CMBL: variants seen among roughly 807,000 people sequenced by gnomAD.
The protein encoded by CMBL is carboxymethylenebutenolidase homolog, also known as carboxymethylenebutenolidase homolog (Pseudomonas).
In CMBL, 17 loss-of-function variants were observed where a neutral mutation model predicts 28.7. That is an observed-to-expected ratio of 0.59 (90% CI 0.41 to 0.89). The LOEUF (loss-of-function observed/expected upper bound fraction) is 0.89, where lower values mean the gene tolerates loss of function less well. Ranked by LOEUF, CMBL falls within the 40% of genes least tolerant of loss-of-function variation. The pLI is 0.00. For missense variants in CMBL, 310 were observed against 298.5 expected (o/e 1.04, Z -0.28); for synonymous variants, 106 against 101.6 (o/e 1.04, Z -0.26).
chr5:10,288,401 C>T (rs763765553), intron 3 of CMBL, 21 bp downstream of exon 3: 1 of 1,574,128 alleles, frequency 6.4e-7, no homozygotes. Flanking sequence ...GTGCACATGG[C>T]CACGTCTGCG....
chr5:10,290,353 G>A, intron 2 of CMBL, 195 bp downstream of exon 2: 2 of 596,094 alleles, frequency 3.4e-6, no homozygotes, highest in South Asian at 4.0e-5. Context: ...CCAGGAATGG[G>A]GTTAGGAGCA....
chr5:10,294,038 C>A (rs1746770158), intron 1 of CMBL, among the ~76,000 whole-genome samples: 1 of 152,162 alleles, frequency 6.6e-6, no homozygotes, highest in Admixed American at 6.5e-5. Context: ...CTGCAGATAT[C>A]TGGAGGAAGA....
rs745485656 is a variant in CMBL, at chr5:10,286,386, T to C, written c.434A>G (p.Tyr145Cys). 1.4e-5 allele frequency: 22 copies of C among 1,613,908 alleles called. No individual in the cohort carries two copies. The African/African-American group carries it at 2.9e-4, about 22-fold the overall frequency. Residue 145 changes from tyrosine to cysteine, a missense_variant, in exon 4 of 6, where the codon TAC becomes TGC. By Grantham distance (194) the Tyr-to-Cys change is radical (BLOSUM62 -2). Transcript: ENST00000296658. ...GGACACCCCTGCCCTGAATTCTGAG[T>C]ATTTCATCATCAAATGATGGACAGC... ...GTAVHHLMMK[Y>C]SEFRAGVSVY...
intron 4 of CMBL, among the ~76,000 whole-genome samples, chr5:10,284,638 TAGCC>T (rs1332078464): frequency 6.6e-6 from 1 of 152,234 alleles, no homozygotes; most frequent in East Asian, 1.9e-4. Context: ...TGCCCAACTG[TAGCC>T]TGATGCAGGT....
At position 10,298,871 on chromosome 5, in the gene CMBL, C is replaced by T. The variant is rs191423501; in HGVS notation, c.-19-8090G>A. Among the ~76,000 whole-genome samples, 1,099 of 152,196 alleles carry T rather than the reference C, an allele frequency of 7.2e-3. 18 individuals carry two copies. Among genetic ancestry groups the T allele is most frequent in the African/African-American group, 0.024 (1,015 of 41,510 alleles). On this transcript the variant is annotated intron_variant, in intron 1 of 5. Coordinates refer to ENST00000296658, the MANE Select transcript of CMBL (RefSeq NM_138809.4). ...TCGCGCCACTGCACTCCAGCCTGGGCGACAGAGCAAGACTCCATCTCAAAA... is the reference window on the plus strand; with the variant it reads ...TCGCGCCACTGCACTCCAGCCTGGGTGACAGAGCAAGACTCCATCTCAAAA...
At chr5:10,282,518 C>G (rs1191524969) in intron 4 of CMBL, among the ~76,000 whole-genome samples, 1 of 152,144 alleles carries the variant, frequency 6.6e-6, no homozygotes, top group East Asian at 1.9e-4. Context: ...CGCGGTGGCT[C>G]ACGCCTGTAA....
chr5:10,291,418 T>C (rs1255224936), intron 1 of CMBL, among the ~76,000 whole-genome samples: 1 of 151,950 alleles, frequency 6.6e-6, no homozygotes, highest in African/African-American at 2.4e-5. Flanking sequence ...ATCCCAGCAC[T>C]TTGGGAGGCC....
At position 10,288,426 on chromosome 5, in the gene CMBL, C is replaced by G; in HGVS notation, c.319G>C (p.Asp107His). ...CCACGTCTGCGGATAACTCACCTAT[C>G]GATCTTCTGGGCATTTCTTGTTTTC... ...WLKTRNAQKI[D>H]REISAILKYL... is the part of the protein sequence containing the mutation. The change falls in exon 3 of 6, where the codon GAT (aspartate) becomes CAT (histidine). Residue 107 changes from aspartate (D) to histidine (H), a missense_variant. Physicochemically the swap from Asp to His is moderately conservative, Grantham distance 81. Coordinates refer to ENST00000296658, the MANE Select transcript of CMBL (RefSeq NM_138809.4). 6.2e-7 allele frequency: 1 copy of G among 1,612,514 alleles called. No individual in the cohort carries two copies. The highest frequency in any genetic ancestry group is 1.7e-4 in the Middle Eastern group (1 of 6,056).
chr5:10,280,327 GAAAT>G lies in CMBL; in HGVS notation c.*122_*125del. ...GTCCTACTGAATTTGTGTTTCAAAT[GAAAT>G]AATCAATTTTAGGATTCCTACACTT... is the stretch of plus-strand genomic sequence containing the variant. On this transcript the variant is annotated 3_prime_UTR_variant, in exon 6 of 6. Coordinates refer to ENST00000296658, the MANE Select transcript of CMBL (RefSeq NM_138809.4). 1.5e-6 allele frequency: 1 copy of G among 666,704 alleles called. No homozygotes were observed. Among genetic ancestry groups the G allele is most frequent in the Non-Finnish European group, 2.4e-6 (1 of 415,472 alleles). 41.3% of individuals were successfully genotyped at this position (666,704 alleles called of 1,614,324 possible). A position where few individuals can be genotyped will look rare whatever the true frequency, so the allele number is the denominator to read the frequency against.
At chr5:10,286,730 C>T (rs1185817977) in intron 3 of CMBL, among the ~76,000 whole-genome samples, 1 of 152,202 alleles carries the variant, frequency 6.6e-6, no homozygotes, top group African/African-American at 2.4e-5. Context: ...AAGCTGGGCT[C>T]TTCCCAAAAC....
Position 10,278,647 on chromosome 5 carries a change from G to A in CMBL, c.*1806C>T, listed in dbSNP as rs1039427011. Reference sequence around the variant, plus strand: ...CCCCTTTTTGCTGGCCCTGTGAAGCGTGCTGCCCTCTGTTCTCTGGATCTG... The same window carrying A: ...CCCCTTTTTGCTGGCCCTGTGAAGCATGCTGCCCTCTGTTCTCTGGATCTG... On this transcript the variant is annotated 3_prime_UTR_variant, in exon 6 of 6. Coordinates refer to ENST00000296658, the MANE Select transcript of CMBL (RefSeq NM_138809.4). Among the ~76,000 whole-genome samples the A allele has an allele frequency of 6.6e-6, 1 of 152,204 alleles. No homozygotes were observed. The highest frequency in any genetic ancestry group is 6.5e-5 in the Admixed American group (1 of 15,294).
intron 2 of CMBL, among the ~76,000 whole-genome samples, chr5:10,288,929 G>A (rs1240880019): frequency 6.6e-6 from 1 of 152,218 alleles, no homozygotes; most frequent in Non-Finnish European, 1.5e-5. Context: ...CCTCAGGCCA[G>A]AGGGCACACC....
In CMBL at chr5:10,280,214, C is replaced by T. The variant is rs1746474568; in HGVS notation, c.*239G>A. The T allele has an allele frequency of 6.0e-6, 2 of 331,584 alleles. No individual in the cohort carries two copies. Among genetic ancestry groups the T allele is most frequent in the African/African-American group, 2.1e-5 (1 of 47,570 alleles). The allele number at this position is 331,584 out of a possible 1,614,324, so 20.5% of individuals were successfully genotyped here. A position where few individuals can be genotyped will look rare whatever the true frequency, so the allele number is the denominator to read the frequency against. On this transcript the variant is annotated 3_prime_UTR_variant, in exon 6 of 6. Coordinates refer to ENST00000296658, the MANE Select transcript of CMBL (RefSeq NM_138809.4). ...TTGGCCTCCCAAAGTGCTGGAATTA[C>T]AGGCATGAGGCACTACACCTGGTCA...
chr5:10,292,542 G>A (rs950342684), intron 1 of CMBL, among the ~76,000 whole-genome samples: 5 of 152,088 alleles, frequency 3.3e-5, no homozygotes, highest in Admixed American at 6.5e-5. Flanking sequence ...TTAAGGTTCC[G>A]GACCAGGCAT....
Position 10,280,229 on chromosome 5 carries a change from A to T in CMBL, c.*224T>A. Reference sequence around the variant, plus strand: ...GCTGGAATTACAGGCATGAGGCACTACACCTGGTCAGACCTTGTTTTTAAA... The same window carrying T: ...GCTGGAATTACAGGCATGAGGCACTTCACCTGGTCAGACCTTGTTTTTAAA... On this transcript the variant is annotated 3_prime_UTR_variant, in exon 6 of 6. Coordinates refer to ENST00000296658, the MANE Select transcript of CMBL (RefSeq NM_138809.4). 2.5e-6 allele frequency: 1 copy of T among 395,738 alleles called. No homozygotes were observed. 24.5% of individuals were successfully genotyped at this position (395,738 alleles called of 1,614,324 possible). A position where few individuals can be genotyped will look rare whatever the true frequency, so the allele number is the denominator to read the frequency against.
At chr5:10,298,139 G>T (rs1309587260) in intron 1 of CMBL, among the ~76,000 whole-genome samples, 2 of 151,712 alleles carry the variant, frequency 1.3e-5, no homozygotes, top group African/African-American at 2.4e-5. Flanking sequence ...GACCTGTGGG[G>T]GGAGGAGGGA....
Position 10,278,747 on chromosome 5 carries a change from C to G in CMBL, c.*1706G>C, listed in dbSNP as rs577309009. Among the ~76,000 whole-genome samples, 1 of 152,092 alleles carries G rather than the reference C, an allele frequency of 6.6e-6. No homozygotes were observed. Among genetic ancestry groups the G allele is most frequent in the Non-Finnish European group, 1.5e-5 (1 of 68,024 alleles). ...CTCTACCCCATCCTAACTTCTTTCC[C>G]GGTCAGGGCTCTCCGGGAGAGTGGC... On this transcript the variant is annotated 3_prime_UTR_variant, in exon 6 of 6. Transcript: ENST00000296658.
At chr5:10,300,628 C>G (rs1243881276) in intron 1 of CMBL, among the ~76,000 whole-genome samples, 2 of 151,646 alleles carry the variant, frequency 1.3e-5, no homozygotes, top group Non-Finnish European at 2.9e-5. Context: ...AGGGAGACCC[C>G]GTCTCTACAA....
At position 10,279,368 on chromosome 5, in the gene CMBL, A is replaced by G. The variant is rs934543000; in HGVS notation, c.*1085T>C. 6.6e-6 allele frequency: 1 copy of G among 152,222 alleles called. No individual in the cohort carries two copies. Among genetic ancestry groups the G allele is most frequent in the Non-Finnish European group, 1.5e-5 (1 of 68,036 alleles). The allele number at this position is 152,222 out of a possible 1,614,324, so 9.4% of individuals were successfully genotyped here. ...AATACTTCCCATATTGCAATATATA[A>G]ATGTGACAAATTCAGCTGTTTTGTG... On this transcript the variant is annotated 3_prime_UTR_variant, in exon 6 of 6. Transcript: ENST00000296658.
Sources: allele counts gnomAD v4.1 joint callset (sites outside exome capture counted in the v4.1 genomes callset), GRCh38; gene constraint gnomAD v4.1.1; transcripts MANE v1.5; gene names NCBI Gene and HGNC (gene_info 2026-07-23, HGNC 2026-07-21).